Variants in INPP4B observed in about 807,000 individuals in gnomAD.
INPP4B encodes inositol polyphosphate-4-phosphatase type II B.
INPP4B carries 55 observed loss-of-function variants against 122.5 expected under a neutral mutation model. The observed-to-expected ratio is 0.45, with a 90% CI of 0.36 to 0.56. INPP4B has a LOEUF of 0.56. INPP4B is among the 20% of genes least tolerant of loss of function. The pLI is 0.00. For synonymous variants in INPP4B, 403 were observed against 388.7 expected, an observed-to-expected ratio of 1.04 and a Z score of -0.43; for missense variants, 1,000 against 1,097.7, an observed-to-expected ratio of 0.91 and a Z score of 1.26.
intron 12 of INPP4B, among the ~76,000 whole-genome samples, chr4:142,211,084 C>T (rs10452237): frequency 0.06 from 9,153 of 152,120 alleles, 903 homozygotes; most frequent in African/African-American, 0.2. Context: ...AAAAAAGGTA[C>T]GCATTCTGAA....
chr4:142,731,201 A>C (rs1766034781), intron 1 of INPP4B, among the ~76,000 whole-genome samples: 1 of 152,130 alleles, frequency 6.6e-6, no homozygotes, highest in Non-Finnish European at 1.5e-5. Flanking sequence ...CATTACATTT[A>C]AACACTATTT....
At chr4:142,242,234 CAG>C (rs1859773692) in intron 11 of INPP4B, among the ~76,000 whole-genome samples, 2 of 151,982 alleles carry the variant, frequency 1.3e-5, no homozygotes, top group Admixed American at 1.3e-4. Flanking sequence ...GAAATCTAAA[CAG>C]AAATTTTACA....
At chr4:142,521,531 G>A (rs1182149973) in intron 2 of INPP4B, among the ~76,000 whole-genome samples, 1 of 151,896 alleles carries the variant, frequency 6.6e-6, no homozygotes, top group Non-Finnish European at 1.5e-5. Flanking sequence ...TAATCTAACA[G>A]GCATTAGCAC....
At position 142,579,557 on chromosome 4, in the gene INPP4B, G is replaced by T. The variant is rs140082320; in HGVS notation, c.-190-116831C>A. Among the ~76,000 whole-genome samples, 498 of 151,962 alleles carry T rather than the reference G, an allele frequency of 3.3e-3. 7 individuals carry two copies. The highest frequency in any genetic ancestry group is 0.018 in the East Asian group (93 of 5,146). On this transcript the variant is annotated intron_variant, in intron 2 of 25. Transcript: ENST00000262992. ...GCAGATTGCCCTTTGTAATGTGAGT[G>T]GGCCTCATCTAATCAGTTGAGGAAG...
intron 2 of INPP4B, among the ~76,000 whole-genome samples, chr4:142,498,720 T>G (rs952559219): frequency 6.6e-6 from 1 of 151,930 alleles, no homozygotes; most frequent in Non-Finnish European, 1.5e-5. Context: ...GAGCCCAGGA[T>G]GGGGAGGTTG....
chr4:142,616,388 A>G (rs1404333986), intron 2 of INPP4B, among the ~76,000 whole-genome samples: 1 of 152,200 alleles, frequency 6.6e-6, no homozygotes, highest in Non-Finnish European at 1.5e-5. Context: ...AGGATCAGAG[A>G]GAGGGAGGCA....
chr4:142,042,547 T>C (rs1748575270), intron 25 of INPP4B, among the ~76,000 whole-genome samples: 1 of 30,876 alleles, frequency 3.2e-5, no homozygotes, highest in African/African-American at 5.8e-5. Context: ...TGTATGTATG[T>C]ATGTATGTAT....
At chr4:142,220,741 A>G (rs1247301264) in intron 12 of INPP4B, among the ~76,000 whole-genome samples, 1 of 152,140 alleles carries the variant, frequency 6.6e-6, no homozygotes, top group African/African-American at 2.4e-5. Context: ...AGGGGCTACA[A>G]GTCCAAGGTC....
chr4:142,619,400 T>G (rs1159139668), intron 2 of INPP4B, among the ~76,000 whole-genome samples: 2 of 152,096 alleles, frequency 1.3e-5, no homozygotes, highest in African/African-American at 2.4e-5. Context: ...GGAATATGAT[T>G]CAGCCTTTAA....
chr4:142,735,218 A>G (rs1766685929), intron 1 of INPP4B, among the ~76,000 whole-genome samples: 1 of 152,184 alleles, frequency 6.6e-6, no homozygotes, highest in African/African-American at 2.4e-5. Flanking sequence ...ATATTTGTAT[A>G]CTTAACAGTG....
chr4:142,119,796 TACACACACACACAC>T (rs34897089), intron 21 of INPP4B, among the ~76,000 whole-genome samples: 1 of 148,470 alleles, frequency 6.7e-6, no homozygotes, highest in African/African-American at 2.5e-5. Flanking sequence ...AAAGTATATA[TACACACACACACAC>T]ACACACACAC....
intron 25 of INPP4B, chr4:142,029,126 G>T: frequency 7.9e-7 from 1 of 1,272,644 alleles, no homozygotes; most frequent in South Asian, 2.7e-5. Flanking sequence ...GATGACTTAA[G>T]TCTCTTTACT....
chr4:142,276,321 G>C (rs1285235127), intron 9 of INPP4B, among the ~76,000 whole-genome samples: 2 of 151,540 alleles, frequency 1.3e-5, no homozygotes, highest in Non-Finnish European at 3.0e-5. Context: ...TACTTAAAGG[G>C]GCTTAACTAC....
chr4:142,335,134 T>TAAAAAAA (rs1776156787), intron 7 of INPP4B, among the ~76,000 whole-genome samples: 1 of 122,510 alleles, frequency 8.2e-6, no homozygotes, highest in African/African-American at 3.4e-5. Context: ...AAAAAAAAAG[T>TAAAAAAA]CTGAGTATCC....
At chr4:142,619,989 T>A (rs1454888918) in intron 2 of INPP4B, among the ~76,000 whole-genome samples, 1 of 151,968 alleles carries the variant, frequency 6.6e-6, no homozygotes, top group African/African-American at 2.4e-5. Context: ...CCTCGTTTTT[T>A]AAAGATGAAG....
At chr4:142,571,568 C>T (rs1560815639) in intron 2 of INPP4B, among the ~76,000 whole-genome samples, 1 of 152,090 alleles carries the variant, frequency 6.6e-6, no homozygotes, top group African/African-American at 2.4e-5. Flanking sequence ...TACATGTCCT[C>T]AGTCTTTATA....
At chr4:142,316,020 T>A (rs982916529) in intron 7 of INPP4B, among the ~76,000 whole-genome samples, 2 of 152,090 alleles carry the variant, frequency 1.3e-5, no homozygotes, top group Non-Finnish European at 2.9e-5. Flanking sequence ...GGCCTGCTAA[T>A]CTTGAACACA....
intron 21 of INPP4B, among the ~76,000 whole-genome samples, chr4:142,116,646 G>A (rs1793639550): frequency 6.6e-6 from 1 of 152,034 alleles, no homozygotes; most frequent in Non-Finnish European, 1.5e-5. Context: ...CAGAATCTCT[G>A]GACACATTTA....
chr4:142,035,216 G>A (rs933344001), intron 25 of INPP4B, among the ~76,000 whole-genome samples: 1 of 152,084 alleles, frequency 6.6e-6, no homozygotes, highest in Non-Finnish European at 1.5e-5. Context: ...ATTCTACCTG[G>A]CCTCTTAGTT....
Sources: gnomAD v4.1 joint callset for allele counts (sites outside exome capture counted in the v4.1 genomes callset) on GRCh38, gnomAD v4.1.1 for gene constraint, MANE v1.5 for transcripts, NCBI Gene and HGNC (gene_info 2026-07-23, HGNC 2026-07-21) for gene names.